The following CCDC192 variants were observed in gnomAD, a reference collection of about 807,000 sequenced individuals.
CCDC192 encodes coiled-coil domain-containing protein 192.
chr5:127,761,274 G>T (rs537491728), intron 3 of CCDC192, among the ~76,000 whole-genome samples: 1 of 152,316 alleles, frequency 6.6e-6, no homozygotes, highest in Admixed American at 6.5e-5. Context: ...ACTATATCTA[G>T]AAGTGGGAAC....
chr5:127,906,818 T>C (rs1161872491), intron 6 of CCDC192, among the ~76,000 whole-genome samples: 1 of 152,140 alleles, frequency 6.6e-6, no homozygotes, highest in African/African-American at 2.4e-5. Flanking sequence ...AAATATCTAT[T>C]TGAGTTCCTC....
chr5:127,934,777 A>G (rs886522817), intron 6 of CCDC192, among the ~76,000 whole-genome samples: 2 of 152,212 alleles, frequency 1.3e-5, no homozygotes, highest in Admixed American at 6.5e-5. Context: ...TGGGAGGGAT[A>G]TATTTCTAAA....
intron 3 of CCDC192, among the ~76,000 whole-genome samples, chr5:127,760,880 G>T (rs1401270287): frequency 6.6e-6 from 1 of 152,078 alleles, no homozygotes; most frequent in Non-Finnish European, 1.5e-5. Context: ...GGAGTCGTAT[G>T]ATGAGACTCC....
intron 5 of CCDC192, among the ~76,000 whole-genome samples, chr5:127,827,571 T>G (rs1749588118): frequency 6.6e-6 from 1 of 152,184 alleles, no homozygotes; most frequent in East Asian, 1.9e-4. Context: ...GGAACCAATC[T>G]GTTCTTAAAT....
intron 1 of CCDC192, among the ~76,000 whole-genome samples, chr5:127,707,352 C>A (rs1751028044): frequency 6.6e-6 from 1 of 150,512 alleles, no homozygotes. Flanking sequence ...GTGTAGGAGA[C>A]AAAGAATTCT....
Position 127,797,502 on chromosome 5 carries a change from G to C in CCDC192, c.354+268G>C, listed in dbSNP as rs539763881. On this transcript the variant is annotated intron_variant, in intron 4 of 6. Coordinates refer to ENST00000514853, the MANE Select transcript of CCDC192 (RefSeq NM_001317938.2). ...GAATATTCTATTTATTTTATAAATG[G>C]TATTGACTGTACAAATGTCTCTTAG... is the stretch of plus-strand genomic sequence containing the variant. Among the ~76,000 whole-genome samples, 6 of 151,738 alleles carry C rather than the reference G, an allele frequency of 4.0e-5. No homozygotes were observed. In the East Asian group the frequency reaches 1.2e-3, roughly 29 times the overall value.
chr5:127,738,311 G>C (rs1179752417), intron 2 of CCDC192, among the ~76,000 whole-genome samples: 6 of 130,720 alleles, frequency 4.6e-5, no homozygotes, highest in Non-Finnish European at 9.6e-5. Context: ...CTGTTAGTCT[G>C]ATGGGCTTCC....
chr5:127,703,390 T>G (rs996775315), upstream of CCDC192: 22 of 398,844 alleles, frequency 5.5e-5, no homozygotes, highest in African/African-American at 4.3e-4. Flanking sequence ...CTCTAAAGAA[T>G]GATGCCTGTT....
intron 2 of CCDC192, among the ~76,000 whole-genome samples, chr5:127,749,408 A>G (rs1753988665): frequency 6.6e-6 from 1 of 151,940 alleles, no homozygotes; most frequent in African/African-American, 2.4e-5. Flanking sequence ...TATATGCTGG[A>G]TTACATTTAT....
intron 2 of CCDC192, among the ~76,000 whole-genome samples, chr5:127,751,988 G>A (rs1400995806): frequency 1.3e-5 from 2 of 151,776 alleles, no homozygotes; most frequent in Admixed American, 6.6e-5. Flanking sequence ...GCACTTCTCT[G>A]TATTGGTTAT....
intron 5 of CCDC192, among the ~76,000 whole-genome samples, chr5:127,837,788 G>A (rs1196814368): frequency 6.6e-6 from 1 of 152,148 alleles, no homozygotes; most frequent in East Asian, 1.9e-4. Context: ...GGGAGATGGA[G>A]ACCATCCTGG....
At chr5:127,719,538 TA>T (rs1751867271) in intron 2 of CCDC192, among the ~76,000 whole-genome samples, 1 of 84,088 alleles carries the variant, frequency 1.2e-5, no homozygotes, top group Admixed American at 1.2e-4. Context: ...CACATACATA[TA>T]TATATATATA....
At chr5:127,787,712 G>T (rs1360839735) in intron 3 of CCDC192, among the ~76,000 whole-genome samples, 1 of 152,098 alleles carries the variant, frequency 6.6e-6, no homozygotes, top group East Asian at 1.9e-4. Flanking sequence ...CTGTTGTTTT[G>T]TGGATTGTTC....
At chr5:127,757,652 A>G (rs1561470525) in intron 3 of CCDC192, among the ~76,000 whole-genome samples, 1 of 151,848 alleles carries the variant, frequency 6.6e-6, no homozygotes, top group Non-Finnish European at 1.5e-5. Flanking sequence ...ATTTCAGAAT[A>G]GAACACCTGT....
intron 5 of CCDC192, among the ~76,000 whole-genome samples, chr5:127,827,241 T>C (rs1399294523): frequency 6.6e-6 from 1 of 152,196 alleles, no homozygotes; most frequent in Non-Finnish European, 1.5e-5. Context: ...TGTCCTTCAT[T>C]GATCTGAGGA....
At chr5:127,820,904 A>T (rs1749258038) in intron 5 of CCDC192, among the ~76,000 whole-genome samples, 1 of 152,156 alleles carries the variant, frequency 6.6e-6, no homozygotes, top group Admixed American at 6.6e-5. Context: ...ATATTTTAAT[A>T]TAAAAATGTC....
At chr5:127,754,567 A>G (rs1429624734) in intron 3 of CCDC192, among the ~76,000 whole-genome samples, 192 bp downstream of exon 3, 1 of 151,702 alleles carries the variant, frequency 6.6e-6, no homozygotes, top group Non-Finnish European at 1.5e-5. Flanking sequence ...CATTTTAGAC[A>G]TAACAGTGCT....
At chr5:127,927,274 A>G (rs1393734594) in intron 6 of CCDC192, among the ~76,000 whole-genome samples, 2 of 152,216 alleles carry the variant, frequency 1.3e-5, no homozygotes, top group Non-Finnish European at 2.9e-5. Context: ...GTATGTTGTT[A>G]TAACTGTTCT....
At chr5:127,704,753 G>T (rs1170334497) in intron 1 of CCDC192, among the ~76,000 whole-genome samples, 1 of 151,822 alleles carries the variant, frequency 6.6e-6, no homozygotes, top group African/African-American at 2.4e-5. Context: ...CCAGAACAAA[G>T]CAGCTAAAGA....
Sources: gnomAD v4.1 joint callset for allele counts (sites outside exome capture counted in the v4.1 genomes callset) on GRCh38, gnomAD v4.1.1 for gene constraint, MANE v1.5 for transcripts, NCBI Gene and HGNC (gene_info 2026-07-23, HGNC 2026-07-21) for gene names.